Variants in ZNF814 observed in about 807,000 individuals in gnomAD.
ZNF814 encodes the protein zinc finger protein 814.
ZNF814 carries 5 observed loss-of-function variants against 7.5 expected under a neutral mutation model. The observed-to-expected ratio is 0.67, with a 90% CI of 0.35 to 1.40. The LOEUF (loss-of-function observed/expected upper bound fraction) is 1.40. ZNF814 is among the 40% of genes most tolerant of loss of function. The pLI is 0.04. For missense variants in ZNF814, 962 were observed against 1,018.0 expected, an observed-to-expected ratio of 0.94 and a Z score of 0.75; for synonymous variants, 315 against 340.7, an observed-to-expected ratio of 0.92 and a Z score of 0.83.
At chr19:57,903,858 T>C in the ZNF814 span, among the ~76,000 whole-genome samples, 1 of 149,698 alleles carries the variant, frequency 6.7e-6, no homozygotes, top group Non-Finnish European at 1.5e-5. Flanking sequence ...GGGAGACATG[T>C]TGGCAGAAGA....
chr19:57,900,066 T>TA, the ZNF814 span, among the ~76,000 whole-genome samples: 3 of 152,000 alleles, frequency 2.0e-5, no homozygotes, highest in African/African-American at 7.3e-5. Flanking sequence ...TATTGCCTTC[T>TA]ATTACTCAAA....
intron 1 of ZNF814, among the ~76,000 whole-genome samples, chr19:57,886,650 G>T (rs555301064): frequency 3.1e-4 from 47 of 151,846 alleles, no homozygotes; most frequent in Middle Eastern, 3.4e-3. Context: ...AGGCCGAGGC[G>T]AGCGGATTGC....
upstream of ZNF814, among the ~76,000 whole-genome samples, chr19:57,891,540 TCAAGAA>T (rs1294301430): frequency 1.8e-4 from 24 of 133,846 alleles, no homozygotes; most frequent in Admixed American, 6.2e-4. Context: ...AAAAAAAAAA[TCAAGAA>T]ATAACCATAA....
intron 1 of ZNF814, among the ~76,000 whole-genome samples, chr19:57,878,554 G>C (rs1039491544): frequency 2.0e-5 from 3 of 151,468 alleles, no homozygotes; most frequent in Middle Eastern, 3.4e-3. Context: ...CCGCCTCCTG[G>C]GTTCAAGCAA....
chr19:57,885,303 C>A (rs2071681101), intron 1 of ZNF814, among the ~76,000 whole-genome samples: 1 of 145,266 alleles, frequency 6.9e-6, no homozygotes, highest in South Asian at 2.1e-4. Context: ...GCCTGGGCAA[C>A]AGAGAAGGAC....
chr19:57,889,595 C>T (rs1436882241), upstream of ZNF814, among the ~76,000 whole-genome samples: 1 of 151,650 alleles, frequency 6.6e-6, no homozygotes. Flanking sequence ...CAGGTGCGGG[C>T]GGCTCACGCC....
At chr19:57,888,635 G>C in intron 1 of ZNF814, 132 bp downstream of exon 1, 1 of 1,175,818 alleles carries the variant, frequency 8.5e-7, no homozygotes. Flanking sequence ...GTCAGAAATG[G>C]GGCCCCTCCC....
At chr19:57,877,819 A>G (rs2071618235) in intron 1 of ZNF814, among the ~76,000 whole-genome samples, 1 of 152,124 alleles carries the variant, frequency 6.6e-6, no homozygotes, top group African/African-American at 2.4e-5. Flanking sequence ...TAATGTTGGT[A>G]AAACAAATTA....
At chr19:57,887,057 C>T (rs1421387088) in intron 1 of ZNF814, among the ~76,000 whole-genome samples, 1 of 150,602 alleles carries the variant, frequency 6.6e-6, no homozygotes, top group Non-Finnish European at 1.5e-5. Flanking sequence ...GGTGTGGTGG[C>T]GCATGCCTGT....
intron 1 of ZNF814, among the ~76,000 whole-genome samples, chr19:57,883,899 G>A (rs1015901475): frequency 1.3e-5 from 2 of 151,918 alleles, no homozygotes; most frequent in African/African-American, 4.8e-5. Flanking sequence ...TGTGATTACA[G>A]GCATGTACCA....
chr19:57,873,775 G>A lies in ZNF814; in HGVS notation c.1615C>T (p.Gln539Ter), dbSNP rs374753224. 55 of 1,613,722 alleles carry A rather than the reference G, an allele frequency of 3.4e-5. No homozygotes were observed. The highest frequency in any genetic ancestry group is 5.3e-5 in the African/African-American group (4 of 74,886). ...AGTCTGTCCCCAGTGTGAATTTGCTGATGGTTCCTAAGATGTCCTTTTGAA... is the reference window on the plus strand; with the variant it reads ...AGTCTGTCCCCAGTGTGAATTTGCTAATGGTTCCTAAGATGTCCTTTTGAA... Reference protein sequence around the residue: ...FSSKGHLRNHQQIHTGDRLYE... With the variant: ...FSSKGHLRNH The change falls in exon 3 of 3, where the codon CAG (glutamine) becomes TAG (stop). Residue 539 changes from glutamine to a stop codon, truncating the protein, a stop_gained. Transcript: ENST00000435989. LOFTEE classifies it low-confidence loss of function (END_TRUNC).
chr19:57,888,898 G>T lies in ZNF814; in HGVS notation c.-96C>A. 1 of 1,374,724 alleles carries T rather than the reference G, an allele frequency of 7.3e-7. No homozygotes were observed. The allele number at this position is 1,374,724 out of a possible 1,614,324, so 85.2% of individuals were successfully genotyped here. A position where few individuals can be genotyped will look rare whatever the true frequency, so the allele number is the denominator to read the frequency against. ...GTATCCTGGCCCAGGAGTGGGTCAC[G>T]CTGGGCGCCGTCACAGAGCTCCAGA... On this transcript the variant is annotated 5_prime_UTR_variant, in exon 1 of 3. Coordinates refer to ENST00000435989, the MANE Select transcript of ZNF814 (RefSeq NM_001144989.2).
rs2560937 is a variant in ZNF814, at chr19:57,875,299, C to G, written c.164-73G>C. On this transcript the variant is annotated intron_variant, in intron 2 of 2. Transcript: ENST00000435989. ...AGGCACAGACCACCCACAAGTGTAT[C>G]TGAAAAACTGAGGAATTACTCCAAG... The G allele has an allele frequency of 4.6e-3, 7,396 of 1,597,978 alleles. 28 individuals are homozygous for G. Among genetic ancestry groups the G allele is most frequent in the African/African-American group, 7.9e-3 (589 of 74,478 alleles).
In ZNF814 at chr19:57,869,858, T is replaced by C. The variant is rs544844673; in HGVS notation, c.*2964A>G. On this transcript the variant is annotated 3_prime_UTR_variant, in exon 3 of 3. Transcript: ENST00000435989. ...TACATGGGAGGCTGAGCCAGGAGAA[T>C]TGCTTGAACCTAGGAGGTAGAGGTT... 6.6e-6 allele frequency: 1 copy of C among 151,564 alleles called. No individual in the cohort carries two copies. The highest frequency in any genetic ancestry group is 6.6e-5 in the Admixed American group (1 of 15,170). 9.4% of individuals were successfully genotyped at this position (151,564 alleles called of 1,614,324 possible). A position where few individuals can be genotyped will look rare whatever the true frequency, so the allele number is the denominator to read the frequency against.
the ZNF814 span, among the ~76,000 whole-genome samples, chr19:57,902,772 T>A: frequency 6.6e-6 from 1 of 152,048 alleles, no homozygotes; most frequent in Non-Finnish European, 1.5e-5. Context: ...GCCTTTCTCC[T>A]GCCTCAGCCT....
intron 1 of ZNF814, among the ~76,000 whole-genome samples, chr19:57,879,445 A>G (rs1050046205): frequency 2.7e-5 from 4 of 147,776 alleles, no homozygotes; most frequent in Non-Finnish European, 6.0e-5. Context: ...TGAATGCATA[A>G]CACAGGTTAT....
the ZNF814 span, among the ~76,000 whole-genome samples, chr19:57,902,785 C>G: frequency 6.6e-6 from 1 of 151,872 alleles, no homozygotes; most frequent in African/African-American, 2.4e-5. Context: ...CTCAGCCTCC[C>G]GAGTAGCTGG....
chr19:57,892,979 T>G (rs931301302), upstream of ZNF814, among the ~76,000 whole-genome samples: 1 of 152,178 alleles, frequency 6.6e-6, no homozygotes, highest in Non-Finnish European at 1.5e-5. Context: ...GAGTGGCTAA[T>G]GTGTATGTTT....
upstream of ZNF814, among the ~76,000 whole-genome samples, chr19:57,890,461 G>GT (rs927838266): frequency 6.6e-5 from 10 of 152,044 alleles, no homozygotes; most frequent in African/African-American, 2.4e-4. Flanking sequence ...TGAGACTGGG[G>GT]TTTTTTAAGG....
Sources: gnomAD v4.1 joint callset for allele counts (sites outside exome capture counted in the v4.1 genomes callset) on GRCh38, gnomAD v4.1.1 for gene constraint, MANE v1.5 for transcripts, NCBI Gene and HGNC (gene_info 2026-07-23, HGNC 2026-07-21) for gene names.